The following EPHA3 variants were observed in gnomAD, a reference collection of about 807,000 sequenced individuals.
EPHA3 encodes EPH receptor A3.
A neutral mutation model predicts 107.1 loss-of-function variants in EPHA3; 42 were observed. The observed-to-expected ratio is 0.39, with a 90% CI of 0.31 to 0.51. The LOEUF is 0.51. Among genes scored for constraint, EPHA3 ranks in the 20% least tolerant of loss-of-function variants. The pLI is 0.78. For synonymous variants in EPHA3, 461 were observed against 424.8 expected (o/e 1.09, Z -1.05); for missense variants, 1,183 against 1,211.2 (o/e 0.98, Z 0.35).
At chr3:89,258,164 A>T (rs1349410052) in intron 3 of EPHA3, among the ~76,000 whole-genome samples, 2 of 152,170 alleles carry the variant, frequency 1.3e-5, no homozygotes, top group East Asian at 3.9e-4. Context: ...ATAATCAGAC[A>T]AATCCATCCA....
intron 2 of EPHA3, among the ~76,000 whole-genome samples, chr3:89,203,026 A>G: frequency 6.6e-6 from 1 of 152,162 alleles, no homozygotes; most frequent in East Asian, 1.9e-4. Context: ...CAGATGGGAT[A>G]AGGGCTGAAC....
At chr3:89,369,725 C>A (rs1287886954) in intron 5 of EPHA3, among the ~76,000 whole-genome samples, 1,657 of 147,894 alleles carry the variant, frequency 0.011, 66 homozygotes, top group African/African-American at 0.039. Context: ...AGGCAACCTA[C>A]AAAATGGGAG....
chr3:89,450,271 A>G lies in EPHA3; in HGVS notation c.2591A>G (p.Asp864Gly), dbSNP rs1709959816. Residue 864 changes from aspartate (D) to glycine (G), a missense_variant, in exon 15 of 17, where the codon GAC (aspartate) becomes GGC (glycine). Transcript: ENST00000336596. ...CTGATGCTGGACTGCTGGCAGAAAG[A>G]CAGGAACAACAGACCCAAGTTTGAG... The part of the protein sequence containing the change: ...YQLMLDCWQK[D>G]RNNRPKFEQI... The G allele has an allele frequency of 1.2e-6, 2 of 1,613,932 alleles. No individual in the cohort carries two copies. Among genetic ancestry groups the G allele is most frequent in the Non-Finnish European group, 8.5e-7 (1 of 1,179,964 alleles).
At chr3:89,373,542 T>A (rs1708346825) in intron 5 of EPHA3, among the ~76,000 whole-genome samples, 1 of 151,818 alleles carries the variant, frequency 6.6e-6, no homozygotes, top group Non-Finnish European at 1.5e-5. Flanking sequence ...ACAGAAAAGA[T>A]TTCTGTGTAA....
chr3:89,113,759 T>G (rs1707181109), intron 1 of EPHA3, among the ~76,000 whole-genome samples: 1 of 13,816 alleles, frequency 7.2e-5, no homozygotes, highest in Non-Finnish European at 1.4e-4. Flanking sequence ...TGCATTTCTT[T>G]GTTTCTCCTC....
At chr3:89,431,100 C>T (rs774308193) in intron 12 of EPHA3, 50 bp from the exon 13 acceptor site, 3 of 1,563,298 alleles carry the variant, frequency 1.9e-6, no homozygotes, top group Non-Finnish European at 2.6e-6. Context: ...AAAGATATAT[C>T]TTTAAGAAAT....
At chr3:89,250,752 A>C (rs984803020) in intron 3 of EPHA3, among the ~76,000 whole-genome samples, 3 of 152,188 alleles carry the variant, frequency 2.0e-5, no homozygotes, top group Non-Finnish European at 4.4e-5. Context: ...TCTTTCTTGA[A>C]ATGGCTTCTG....
At chr3:89,340,091 A>T (rs1473930833) in intron 3 of EPHA3, among the ~76,000 whole-genome samples, 3 of 152,234 alleles carry the variant, frequency 2.0e-5, no homozygotes, top group Non-Finnish European at 4.4e-5. Context: ...AGTTTTAGGC[A>T]TATCTCTGTA....
At chr3:89,368,152 A>T (rs186484287) in intron 5 of EPHA3, among the ~76,000 whole-genome samples, 173 of 150,642 alleles carry the variant, frequency 1.1e-3, no homozygotes, top group African/African-American at 4.0e-3. Flanking sequence ...AGATCAGAAT[A>T]CTAAAGTGTG....
At chr3:89,172,298 A>G (rs1705228863) in intron 2 of EPHA3, among the ~76,000 whole-genome samples, 1 of 152,084 alleles carries the variant, frequency 6.6e-6, no homozygotes, top group Admixed American at 6.5e-5. Context: ...AAACCTTGTC[A>G]GAGGCTTCTA....
rs1324445252 is a variant in EPHA3 at position 89,261,843 on chromosome 3, G to A, written c.814+51323G>A. The stretch of plus-strand genomic sequence containing the variant: ...ATTAGTTTGGTGCAAAAGTCATTGC[G>A]GTTTTTGCCATACTTTTAATGGCAA... On this transcript the variant is annotated intron_variant, in intron 3 of 16. Transcript: ENST00000336596. Among the ~76,000 whole-genome samples, 5 of 149,754 alleles carry A rather than the reference G, an allele frequency of 3.3e-5. No homozygotes were observed. In the East Asian group the frequency reaches 6.0e-4, roughly 18 times the overall value.
At chr3:89,285,134 T>G (rs915803891) in intron 3 of EPHA3, among the ~76,000 whole-genome samples, 1 of 151,852 alleles carries the variant, frequency 6.6e-6, no homozygotes, top group Non-Finnish European at 1.5e-5. Flanking sequence ...AATAAATAAA[T>G]ACAATAAAAA....
intron 3 of EPHA3, among the ~76,000 whole-genome samples, chr3:89,280,275 T>C (rs1056539906): frequency 8.5e-5 from 13 of 152,160 alleles, no homozygotes; most frequent in Admixed American, 3.9e-4. Flanking sequence ...GACTTTTCAA[T>C]AGGATTCAAG....
intron 3 of EPHA3, among the ~76,000 whole-genome samples, chr3:89,308,594 C>G (rs1706687834): frequency 7.5e-6 from 1 of 133,394 alleles, no homozygotes; most frequent in Non-Finnish European, 1.7e-5. Flanking sequence ...TGGACTACAG[C>G]CAAGGGAATT....
intron 11 of EPHA3, 84 bp from the exon 12 acceptor site, chr3:89,429,022 A>C: frequency 1.2e-6 from 1 of 862,104 alleles, no homozygotes; most frequent in Non-Finnish European, 1.7e-6. Flanking sequence ...TATAATCCTC[A>C]GGTAAATCCA....
chr3:89,455,469 G>T, intron 15 of EPHA3, among the ~76,000 whole-genome samples: 1 of 152,196 alleles, frequency 6.6e-6, no homozygotes, highest in South Asian at 2.1e-4. Context: ...CAGAGCACTT[G>T]AGGCTACACA....
Position 89,281,004 on chromosome 3 carries a change from A to ATTTTTTATTTATTTAT in EPHA3, c.815-59910_815-59909insTTTTATTTATTTATTT, listed in dbSNP as rs71105126. ...ACCATATGAATCTTACAAGATTTTT[A>ATTTTTTATTTATTTAT]TTATTTATTTATTTATTTATTTATT... On this transcript the variant is annotated intron_variant, in intron 3 of 16. Transcript: ENST00000336596. 3.4e-3 allele frequency among the ~76,000 whole-genome samples: 496 copies of ATTTTTTATTTATTTAT among 147,362 alleles called. 5 individuals carry two copies. The highest frequency in any genetic ancestry group is 4.2e-3 in the African/African-American group (164 of 39,104).
At chr3:89,349,844 T>C (rs988315903) in intron 5 of EPHA3, among the ~76,000 whole-genome samples, 1 of 147,876 alleles carries the variant, frequency 6.8e-6, no homozygotes, top group African/African-American at 2.5e-5. Flanking sequence ...TTTGCTTGTC[T>C]GTAAAGTATT....
chr3:89,472,497 G>A lies in EPHA3; in HGVS notation c.2724G>A (p.Val908=), dbSNP rs1361552040. The A allele has an allele frequency of 3.1e-6, 5 of 1,613,950 alleles. No individual in the cohort carries two copies. The highest frequency in any genetic ancestry group is 2.2e-5 in the South Asian group (2 of 91,054). The change falls in exon 16 of 17, where the codon GTG becomes GTA. Residue 908 remains valine (V), a synonymous_variant. Coordinates refer to ENST00000336596, the MANE Select transcript of EPHA3 (RefSeq NM_005233.6). ...PSNLLLDQSN[V]DITTFRTTGD... is the part of the protein sequence containing the mutation. ...ACCTTCTTCTGGACCAAAGCAATGT[G>A]GATATCACTACCTTCCGCACAACAG... is the stretch of plus-strand genomic sequence containing the variant.
Sources: gnomAD v4.1 joint callset for allele counts (sites outside exome capture counted in the v4.1 genomes callset) on GRCh38, gnomAD v4.1.1 for gene constraint, MANE v1.5 for transcripts, NCBI Gene and HGNC (gene_info 2026-07-23, HGNC 2026-07-21) for gene names.